The following BEND4 variants were observed in gnomAD, a reference collection of about 807,000 sequenced individuals.
The protein encoded by BEND4 is BEN domain containing 4.
BEND4 carries 27 observed loss-of-function variants against 54.7 expected under a neutral mutation model. The ratio of observed to expected loss-of-function variants is 0.49; its 90% CI spans 0.36 to 0.68. The LOEUF is 0.68. Among genes scored for constraint, BEND4 ranks in the 30% least tolerant of loss-of-function variants. The probability of loss-of-function intolerance (pLI) is 0.00; values close to 1 mark genes in which losing one functional copy is unlikely to be tolerated. For missense variants in BEND4, 702 were observed against 697.2 expected (o/e 1.01, Z -0.08); for synonymous variants, 327 against 299.5 (o/e 1.09, Z -0.95).
At chr4:42,122,387 A>C (rs1206196836) in intron 4 of BEND4, among the ~76,000 whole-genome samples, 6 of 152,202 alleles carry the variant, frequency 3.9e-5, no homozygotes, top group Non-Finnish European at 8.8e-5. Flanking sequence ...TTACCTGTTT[A>C]TTCAATGCCA....
rs1720005255 is a variant in BEND4 at position 42,120,267 on chromosome 4, G to T, written c.1174C>A (p.Pro392Thr). Residue 392 changes from proline to threonine, a missense_variant, in exon 5 of 6, where the codon CCT becomes ACT. Transcript: ENST00000502486. ...EGSKQLLNNY[P>T]VYITSKQWDE... Reference sequence around the variant, plus strand: ...CACTGTTTGCTCGTTATGTAGACAGGATAGTTGTTCAACAGCTGCTTGCTT... The same window carrying T: ...CACTGTTTGCTCGTTATGTAGACAGTATAGTTGTTCAACAGCTGCTTGCTT... 6.2e-7 allele frequency: 1 copy of T among 1,602,716 alleles called. No individual in the cohort carries two copies. Among genetic ancestry groups the T allele is most frequent in the Non-Finnish European group, 8.5e-7 (1 of 1,170,492 alleles).
In BEND4 at chr4:42,111,494, G is replaced by A. The variant is rs1274214122; in HGVS notation, c.*6024C>T. 6.6e-6 allele frequency: 1 copy of A among 152,184 alleles called. No homozygotes were observed. Among genetic ancestry groups the A allele is most frequent in the Non-Finnish European group, 1.5e-5 (1 of 68,036 alleles). 9.4% of individuals were successfully genotyped at this position (152,184 alleles called of 1,614,324 possible). On this transcript the variant is annotated 3_prime_UTR_variant, in exon 6 of 6. Coordinates refer to ENST00000502486, the MANE Select transcript of BEND4 (RefSeq NM_207406.4). ...GGAACAGTGACCTTGAAAGCTTCAT[G>A]ACCCACCTCTAGCATGCCCTGTTCC... is the stretch of plus-strand genomic sequence containing the variant.
In BEND4 at chr4:42,124,257, G is replaced by C. The variant is rs142670467; in HGVS notation, c.1146+1326C>G. On this transcript the variant is annotated intron_variant, in intron 4 of 5. Coordinates refer to ENST00000502486, the MANE Select transcript of BEND4 (RefSeq NM_207406.4). ...AGTCTCGGCTATTTGCGGGGCTGAG[G>C]TGGGAGGATCACCTGCGCCTGGGAG... Among the ~76,000 whole-genome samples the C allele has an allele frequency of 4.8e-4, 73 of 152,322 alleles. 2 individuals are homozygous for C. Among genetic ancestry groups the C allele is most frequent in the East Asian group, 1.7e-3 (9 of 5,180 alleles).
At chr4:42,146,405 A>G (rs1330758005) in intron 2 of BEND4, among the ~76,000 whole-genome samples, 2 of 152,222 alleles carry the variant, frequency 1.3e-5, no homozygotes, top group African/African-American at 2.4e-5. Flanking sequence ...TTGTTAAACA[A>G]TTTGTTAGCT....
At chr4:42,122,825 G>A (rs754055860) in intron 4 of BEND4, among the ~76,000 whole-genome samples, 6 of 152,296 alleles carry the variant, frequency 3.9e-5, no homozygotes, top group Admixed American at 6.5e-5. Context: ...TTACCAAGGA[G>A]GTCAAATCCA....
Position 42,142,564 on chromosome 4 carries a change from C to T in BEND4, c.1054+864G>A, listed in dbSNP as rs1409857671. On this transcript the variant is annotated intron_variant, in intron 3 of 5. Transcript: ENST00000502486. The stretch of plus-strand genomic sequence containing the variant: ...ACAAGAATTGCTTGTACCCAGGAGA[C>T]GGAGGTTGCAGTGAGCCCACACGGT... 2.7e-5 allele frequency among the ~76,000 whole-genome samples: 4 copies of T among 146,536 alleles called. 1 individual carries two copies. The highest frequency in any genetic ancestry group is 4.3e-4 in the South Asian group (2 of 4,628).
At position 42,151,813 on chromosome 4, in the gene BEND4, C is replaced by T; in HGVS notation, c.331G>A (p.Gly111Ser). The T allele has an allele frequency of 7.0e-7, 1 of 1,438,140 alleles. No individual in the cohort carries two copies. Among genetic ancestry groups the T allele is most frequent in the Non-Finnish European group, 9.0e-7 (1 of 1,106,670 alleles). 89.1% of individuals were successfully genotyped at this position (1,438,140 alleles called of 1,614,324 possible). A position where few individuals can be genotyped will look rare whatever the true frequency, so the allele number is the denominator to read the frequency against. The part of the protein sequence containing the change: ...SPSCTPATSQ[G>S]HLRTPAQPPP... ...GGCTGCGCCGGAGTCCTCAAGTGGC[C>T]CTGGGATGTGGCGGGCGTGCAGGAC... is the stretch of plus-strand genomic sequence containing the variant. The change falls in exon 2 of 6, where the codon GGC becomes AGC. Residue 111 changes from glycine to serine, a missense_variant. Physicochemically the swap from Gly to Ser is moderately conservative, Grantham distance 56. Transcript: ENST00000502486.
At chr4:42,150,919 C>T (rs1235396634) in intron 2 of BEND4, 1 of 152,150 alleles carries the variant, frequency 6.6e-6, no homozygotes, top group Non-Finnish European at 1.5e-5. Context: ...GGGACGACGA[C>T]GTGGGCGGTG....
chr4:42,131,194 A>C (rs889824199), intron 3 of BEND4, among the ~76,000 whole-genome samples: 1 of 152,214 alleles, frequency 6.6e-6, no homozygotes, highest in African/African-American at 2.4e-5. Context: ...ACAAACCTGC[A>C]CATCCTGCAC....
intron 3 of BEND4, among the ~76,000 whole-genome samples, chr4:42,133,576 G>A (rs569249519): frequency 2.0e-5 from 3 of 152,232 alleles, no homozygotes; most frequent in Non-Finnish European, 4.4e-5. Flanking sequence ...GAAAATGGGC[G>A]AGGCGCCGTG....
chr4:42,138,891 AATT>A (rs1248148318), intron 3 of BEND4, among the ~76,000 whole-genome samples: 1 of 152,248 alleles, frequency 6.6e-6, no homozygotes, highest in African/African-American at 2.4e-5. Context: ...GTTCAAAGAT[AATT>A]ATTATGTACA....
chr4:42,139,334 G>A (rs763635978), intron 3 of BEND4, among the ~76,000 whole-genome samples: 2 of 152,134 alleles, frequency 1.3e-5, no homozygotes, highest in Non-Finnish European at 2.9e-5. Context: ...GAATTTTCCA[G>A]AAGCCCCTGC....
intron 4 of BEND4, among the ~76,000 whole-genome samples, chr4:42,124,334 G>A (rs1482862285): frequency 6.6e-6 from 1 of 152,170 alleles, no homozygotes; most frequent in Non-Finnish European, 1.5e-5. Context: ...GCTTGGGCAA[G>A]AAAGCGAGAC....
At chr4:42,150,263 A>G (rs1039223354) in intron 2 of BEND4, among the ~76,000 whole-genome samples, 3 of 152,206 alleles carry the variant, frequency 2.0e-5, no homozygotes, top group Non-Finnish European at 4.4e-5. Context: ...AACAAAGAAT[A>G]TAAAAACACA....
chr4:42,152,228 C>T lies in BEND4; in HGVS notation c.-85G>A. The T allele has an allele frequency of 1.7e-6, 2 of 1,198,850 alleles. No homozygotes were observed. The highest frequency in any genetic ancestry group is 1.6e-5 in the African/African-American group (1 of 63,052). The allele number at this position is 1,198,850 out of a possible 1,614,324, so 74.3% of individuals were successfully genotyped here. A position where few individuals can be genotyped will look rare whatever the true frequency, so the allele number is the denominator to read the frequency against. On this transcript the variant is annotated 5_prime_UTR_variant, in exon 2 of 6. Coordinates refer to ENST00000502486, the MANE Select transcript of BEND4 (RefSeq NM_207406.4). Reference sequence around the variant, plus strand: ...GAGGGTGCCTCCGCCGCCTGCCCGCCGGGTCTGCCCTGGTGCGCGCGTGTG... The same window carrying T: ...GAGGGTGCCTCCGCCGCCTGCCCGCTGGGTCTGCCCTGGTGCGCGCGTGTG...
intron 3 of BEND4, among the ~76,000 whole-genome samples, chr4:42,127,372 C>A (rs992217449): frequency 3.9e-5 from 6 of 152,146 alleles, no homozygotes; most frequent in South Asian, 2.1e-4. Flanking sequence ...AGAGGTCAAC[C>A]AAAATAAGTC....
intron 3 of BEND4, among the ~76,000 whole-genome samples, chr4:42,135,738 G>A (rs966598693): frequency 1.3e-5 from 2 of 152,146 alleles, no homozygotes; most frequent in Non-Finnish European, 2.9e-5. Flanking sequence ...TTGTGCCACT[G>A]CACTCCAGCC....
intron 4 of BEND4, among the ~76,000 whole-genome samples, chr4:42,124,453 G>A (rs1042564870): frequency 1.3e-5 from 2 of 152,170 alleles, no homozygotes; most frequent in African/African-American, 2.4e-5. Flanking sequence ...ACAGTAGATG[G>A]AAAAACTCAT....
rs574971489 is a variant in BEND4, at chr4:42,143,855, G to A, written c.627C>T (p.Asn209=). The change falls in exon 3 of 6, where the codon AAC becomes AAT. Residue 209 remains asparagine, a synonymous_variant. Transcript: ENST00000502486. ...CAATGTGACAGTGCTCCTGTCTTTC[G>A]TTGTAACTTGAGCCTTCCTGCTTTA... ...SCVKQEGSSY[N]ERQEHCHIGK... 7 of 1,558,246 alleles carry A rather than the reference G, an allele frequency of 4.5e-6. No homozygotes were observed. Among genetic ancestry groups the A allele is most frequent in the African/African-American group, 4.1e-5 (3 of 73,212 alleles).
Sources: allele counts gnomAD v4.1 joint callset (sites outside exome capture counted in the v4.1 genomes callset), GRCh38; gene constraint gnomAD v4.1.1; transcripts MANE v1.5; gene names NCBI Gene and HGNC (gene_info 2026-07-23, HGNC 2026-07-21).